Variants in ZSCAN31 observed in about 807,000 individuals in gnomAD.
ZSCAN31 encodes zinc finger and SCAN domain containing 31.
Under a neutral mutation model 22.5 loss-of-function variants are expected in ZSCAN31, and 14 were observed. The observed-to-expected ratio is 0.62, with a 90% CI of 0.41 to 0.97. The LOEUF (loss-of-function observed/expected upper bound fraction) is 0.97. Ranked by LOEUF, ZSCAN31 falls within the 50% of genes least tolerant of loss-of-function variation. ZSCAN31 has a pLI of 0.00. For synonymous variants in ZSCAN31, 168 were observed against 169.8 expected, an observed-to-expected ratio of 0.99 and a Z score of 0.08; for missense variants, 424 against 483.4, an observed-to-expected ratio of 0.88 and a Z score of 1.15.
chr6:28,334,794 G>A (rs1764014849), intron 1 of ZSCAN31, among the ~76,000 whole-genome samples: 1 of 152,156 alleles, frequency 6.6e-6, no homozygotes, highest in Non-Finnish European at 1.5e-5. Context: ...GACAACAGGG[G>A]GTGGAAGGAT....
At chr6:28,339,387 C>T (rs557418571), upstream of ZSCAN31, among the ~76,000 whole-genome samples, 6 of 152,248 alleles carry the variant, frequency 3.9e-5, no homozygotes, top group African/African-American at 1.4e-4. Flanking sequence ...ACTTCTGCCT[C>T]CCAGGTTCAA....
In ZSCAN31 at chr6:28,326,591, G is replaced by C. The variant is rs146413066; in HGVS notation, c.796C>G (p.Pro266Ala). 1 of 1,614,178 alleles carries C rather than the reference G, an allele frequency of 6.2e-7. No individual in the cohort carries two copies. The highest frequency in any genetic ancestry group is 1.3e-5 in the African/African-American group (1 of 75,056). The change falls in exon 4 of 4, where the codon CCA becomes GCA. Residue 266 changes from proline to alanine, a missense_variant. By Grantham distance (27) the Pro-to-Ala change is conservative (BLOSUM62 -1). Coordinates refer to ENST00000344279, the MANE Select transcript of ZSCAN31 (RefSeq NM_030899.5). Reference protein sequence around the residue: ...EHQRIHTGEKPYECEECGKAF... With the variant: ...EHQRIHTGEKAYECEECGKAF... ...TTCCCACATTCTTCACATTCATATG[G>C]CTTCTCCCCAGTGTGGATTCTCTGG...
Position 28,326,171 on chromosome 6 carries a change from G to GTC in ZSCAN31, c.1214_1215dup (p.Pro406AspfsTer32). On this transcript the variant is annotated frameshift_variant, in exon 4 of 4. Transcript: ENST00000344279. LOFTEE classifies it high-confidence loss of function. ...CTTTCCCAAACTCATCACCCTTATGGTCTCTCTCCAGTGTGGATTTTCTGA... is the reference window on the plus strand; with the variant it reads ...CTTTCCCAAACTCATCACCCTTATGGTCTCTCTCTCCAGTGTGGATTTTCTGA... The GTC allele has an allele frequency of 6.2e-7, 1 of 1,607,046 alleles. No homozygotes were observed. Among genetic ancestry groups the GTC allele is most frequent in the Non-Finnish European group, 8.5e-7 (1 of 1,175,492 alleles).
rs2113782130 is a variant in ZSCAN31 at position 28,326,720 on chromosome 6, C to T, written c.667G>A (p.Asp223Asn). 1 of 1,614,150 alleles carries T rather than the reference C, an allele frequency of 6.2e-7. No individual in the cohort carries two copies. The highest frequency in any genetic ancestry group is 2.2e-5 in the East Asian group (1 of 44,890). Residue 223 changes from aspartate to asparagine, a missense_variant, in exon 4 of 4, where the codon GAC (aspartate) becomes AAC (asparagine). Coordinates refer to ENST00000344279, the MANE Select transcript of ZSCAN31 (RefSeq NM_030899.5). ...DSKYRETCKR[D>N]SKAEKQQAHS... ...GCCTGCTGCTTTTCTGCCTTGCTGT[C>T]TCGTTTACAAGTTTCTCTGTACTTA...
chr6:28,330,239 C>T (rs1763637361), intron 1 of ZSCAN31, among the ~76,000 whole-genome samples: 1 of 152,106 alleles, frequency 6.6e-6, no homozygotes, highest in Non-Finnish European at 1.5e-5. Context: ...CAGCTAACTG[C>T]CAGACATGTG....
rs1195500098 is a variant in ZSCAN31, at chr6:28,341,593, C to T, written c.-324+153G>A. ...AACACAAACTTCAGACCATAGGACT[C>T]ATGTCAGCCCTTCCCCCAAGTGGGC... On this transcript the variant is annotated intron_variant, in intron 3 of 7. Coordinates refer to the ZSCAN31 transcript ENST00000396838. 2.0e-5 allele frequency among the ~76,000 whole-genome samples: 3 copies of T among 152,192 alleles called. No individual in the cohort carries two copies. The East Asian group carries it at 5.8e-4, about 29-fold the overall frequency.
At chr6:28,350,750 G>A (rs1241083797) in intron 2 of ZSCAN31, among the ~76,000 whole-genome samples, 1 of 152,092 alleles carries the variant, frequency 6.6e-6, no homozygotes, top group Admixed American at 6.5e-5. Context: ...ACTTTGTAAT[G>A]GATGATTTCT....
At chr6:28,345,828 C>T (rs966437355) in intron 2 of ZSCAN31, among the ~76,000 whole-genome samples, 2 of 152,158 alleles carry the variant, frequency 1.3e-5, no homozygotes, top group Non-Finnish European at 2.9e-5. Flanking sequence ...CCTTTGAAAG[C>T]ATAGCTAAAG....
chr6:28,326,021 A>C lies in ZSCAN31; in HGVS notation c.*145T>G. Reference sequence around the variant, plus strand: ...AAATTTTATAAGAACAGAATAAGCCACTTGAAAATCTTACTTTCCAAGACG... The same window carrying C: ...AAATTTTATAAGAACAGAATAAGCCCCTTGAAAATCTTACTTTCCAAGACG... On this transcript the variant is annotated 3_prime_UTR_variant, in exon 4 of 4. Transcript: ENST00000344279. 1.3e-6 allele frequency: 1 copy of C among 751,086 alleles called. No individual in the cohort carries two copies. Among genetic ancestry groups the C allele is most frequent in the Non-Finnish European group, 2.2e-6 (1 of 453,968 alleles). 46.5% of individuals were successfully genotyped at this position (751,086 alleles called of 1,614,324 possible).
At chr6:28,340,228 A>T (rs1013836019), upstream of ZSCAN31, among the ~76,000 whole-genome samples, 5 of 152,252 alleles carry the variant, frequency 3.3e-5, no homozygotes, top group African/African-American at 1.2e-4. Flanking sequence ...TGCATATTTA[A>T]CAATTTACAT....
upstream of ZSCAN31, among the ~76,000 whole-genome samples, chr6:28,354,519 A>G (rs6903823): frequency 0.26 from 39,517 of 152,140 alleles, 5,855 homozygotes; most frequent in African/African-American, 0.4. Context: ...GGCTTGACAC[A>G]TAAGTCTGAC....
At chr6:28,327,298 A>G (rs1481311857) in intron 3 of ZSCAN31, 85 bp downstream of exon 3, 15 of 1,496,526 alleles carry the variant, frequency 1.0e-5, no homozygotes, top group African/African-American at 1.4e-5. Flanking sequence ...AACCCAGGCA[A>G]TTTAGCCCCA....
chr6:28,329,525 G>A lies in ZSCAN31; in HGVS notation c.159C>T (p.Pro53=). 6.2e-7 allele frequency: 1 copy of A among 1,614,218 alleles called. No individual in the cohort carries two copies. Among genetic ancestry groups the A allele is most frequent in the Non-Finnish European group, 8.5e-7 (1 of 1,180,038 alleles). The change falls in exon 2 of 4, where the codon CCC becomes CCT. Residue 53 remains proline, a synonymous_variant. Transcript: ENST00000344279. Reference sequence around the variant, plus strand: ...CTCGGAGCCGGCTCAGAGCTTCTCGGGGACCAGGAGTCTCTTGGTAACAAA... The same window carrying A: ...CTCGGAGCCGGCTCAGAGCTTCTCGAGGACCAGGAGTCTCTTGGTAACAAA... ...RQFCYQETPG[P]REALSRLREL...
At position 28,325,318 on chromosome 6, in the gene ZSCAN31, A is replaced by C. The variant is rs1399672448; in HGVS notation, c.*848T>G. The C allele has an allele frequency of 6.6e-6, 1 of 152,250 alleles. No homozygotes were observed. Among genetic ancestry groups the C allele is most frequent in the Non-Finnish European group, 1.5e-5 (1 of 68,048 alleles). The allele number at this position is 152,250 out of a possible 1,614,324, so 9.4% of individuals were successfully genotyped here. A position where few individuals can be genotyped will look rare whatever the true frequency, so the allele number is the denominator to read the frequency against. On this transcript the variant is annotated 3_prime_UTR_variant, in exon 4 of 4. Coordinates refer to ENST00000344279, the MANE Select transcript of ZSCAN31 (RefSeq NM_030899.5). Reference sequence around the variant, plus strand: ...TATGAATTAAAGAGGTACCTTGTGAAGAACAGAGATTTTAAAGTATCATCT... The same window carrying C: ...TATGAATTAAAGAGGTACCTTGTGACGAACAGAGATTTTAAAGTATCATCT...
chr6:28,326,403 A>G lies in ZSCAN31; in HGVS notation c.984T>C (p.Cys328=). The G allele has an allele frequency of 6.2e-7, 1 of 1,614,120 alleles. No individual in the cohort carries two copies. Among genetic ancestry groups the G allele is most frequent in the South Asian group, 1.1e-5 (1 of 91,080 alleles). Residue 328 remains cysteine, a synonymous_variant, in exon 4 of 4, where the codon TGT becomes TGC. Coordinates refer to ENST00000344279, the MANE Select transcript of ZSCAN31 (RefSeq NM_030899.5). The part of the protein sequence containing the change: ...TGEKPYECKV[C]GKAFLLSSCL... Reference sequence around the variant, plus strand: ...ATGAGCTGAGGAGGAAAGCCTTCCCACACACTTTGCATTCATATGGTTTTT... The same window carrying G: ...ATGAGCTGAGGAGGAAAGCCTTCCCGCACACTTTGCATTCATATGGTTTTT...
intron 2 of ZSCAN31, among the ~76,000 whole-genome samples, chr6:28,345,183 G>GA: frequency 6.9e-6 from 1 of 144,774 alleles, no homozygotes; most frequent in East Asian, 2.0e-4. Context: ...GAAAAGAAAA[G>GA]AAAAATGATT....
chr6:28,326,915 A>G, intron 3 of ZSCAN31, 61 bp from the exon 4 acceptor site: 1 of 1,399,376 alleles, frequency 7.1e-7, no homozygotes, highest in Non-Finnish European at 9.8e-7. Context: ...ATACAATCAT[A>G]GGATGGAAAT....
intron 2 of ZSCAN31, among the ~76,000 whole-genome samples, chr6:28,352,687 C>T (rs1035068731): frequency 2.0e-5 from 3 of 152,178 alleles, no homozygotes; most frequent in Non-Finnish European, 4.4e-5. Context: ...GATCTAAAGA[C>T]TAGATTAGAT....
chr6:28,325,766 C>T lies in ZSCAN31; in HGVS notation c.*400G>A, dbSNP rs546205153. 61 of 158,622 alleles carry T rather than the reference C, an allele frequency of 3.8e-4. No individual in the cohort carries two copies. The highest frequency in any genetic ancestry group is 1.7e-3 in the South Asian group (9 of 5,424). The allele number at this position is 158,622 out of a possible 1,614,324, so 9.8% of individuals were successfully genotyped here. On this transcript the variant is annotated 3_prime_UTR_variant, in exon 4 of 4. Coordinates refer to ENST00000344279, the MANE Select transcript of ZSCAN31 (RefSeq NM_030899.5). ...AGCAAATCTTTTTTTTAAAAGTATA[C>T]ATAGATACTGGTCTTTTAGAATTGT...
Sources: allele counts gnomAD v4.1 joint callset (sites outside exome capture counted in the v4.1 genomes callset), GRCh38; gene constraint gnomAD v4.1.1; transcripts MANE v1.5; gene names NCBI Gene and HGNC (gene_info 2026-07-23, HGNC 2026-07-21).